Variants in EYA4 observed in about 807,000 individuals in gnomAD.
The protein encoded by EYA4 is protein phosphatase EYA4.
EYA4 carries 31 observed loss-of-function variants against 87.9 expected under a neutral mutation model. That is an observed-to-expected ratio of 0.35 (90% CI 0.27 to 0.48). The LOEUF (loss-of-function observed/expected upper bound fraction) is 0.48, where lower values mean the gene tolerates loss of function less well. Ranked by LOEUF, EYA4 falls within the 20% of genes least tolerant of loss-of-function variation. The probability of loss-of-function intolerance (pLI) is 0.99; values close to 1 mark genes in which losing one functional copy is unlikely to be tolerated. For synonymous variants in EYA4, 263 were observed against 270.6 expected (o/e 0.97, Z 0.28); for missense variants, 678 against 761.4 (o/e 0.89, Z 1.29).
intron 3 of EYA4, among the ~76,000 whole-genome samples, chr6:133,419,688 C>G (rs557814163): frequency 6.2e-4 from 94 of 152,232 alleles, no homozygotes; most frequent in African/African-American, 2.2e-3. Context: ...CTCAGACAAA[C>G]CAAACTATTA....
intron 2 of EYA4, among the ~76,000 whole-genome samples, chr6:133,381,560 A>G (rs1583120430): frequency 6.6e-6 from 1 of 152,164 alleles, no homozygotes; most frequent in East Asian, 1.9e-4. Context: ...TAGGTTGCAT[A>G]GTTAAGTTAT....
intron 2 of EYA4, among the ~76,000 whole-genome samples, chr6:133,283,612 C>T (rs1030069064): frequency 6.6e-6 from 1 of 152,068 alleles, no homozygotes; most frequent in African/African-American, 2.4e-5. Flanking sequence ...CAGGGTTGTG[C>T]CAGCTTGGAA....
At chr6:133,462,513 G>A in intron 8 of EYA4, 36 bp downstream of exon 8, 7 of 1,613,666 alleles carry the variant, frequency 4.3e-6, no homozygotes, top group Non-Finnish European at 5.9e-6. Flanking sequence ...TTTGGTTATA[G>A]GCAGGTAATC....
intron 14 of EYA4, chr6:133,510,321 G>T: frequency 6.3e-6 from 1 of 158,742 alleles, no homozygotes; most frequent in South Asian, 1.7e-4. Context: ...TTTACATGTG[G>T]AAAGATTTCA....
chr6:133,319,859 G>A (rs557140962), intron 2 of EYA4, among the ~76,000 whole-genome samples: 23 of 151,662 alleles, frequency 1.5e-4, no homozygotes, highest in Non-Finnish European at 2.8e-4. Context: ...TGGGACTATC[G>A]GTGTGTGCCA....
At chr6:133,495,107 A>G (rs1404389902) in intron 13 of EYA4, among the ~76,000 whole-genome samples, 2 of 151,854 alleles carry the variant, frequency 1.3e-5, no homozygotes. Context: ...CGTCTCTGCT[A>G]AAAATAAAAA....
chr6:133,490,618 C>T (rs1041251366), intron 13 of EYA4, among the ~76,000 whole-genome samples: 1 of 151,870 alleles, frequency 6.6e-6, no homozygotes, highest in Non-Finnish European at 1.5e-5. Context: ...AGAAGGTCAT[C>T]ATATAATAAT....
chr6:133,255,076 C>T (rs903716158), intron 1 of EYA4, among the ~76,000 whole-genome samples: 4 of 152,122 alleles, frequency 2.6e-5, no homozygotes, highest in Admixed American at 6.6e-5. Context: ...TAACAGTACT[C>T]GCCTCATGGA....
At chr6:133,523,382 G>C (rs1757829300) in intron 18 of EYA4, among the ~76,000 whole-genome samples, 1 of 152,126 alleles carries the variant, frequency 6.6e-6, no homozygotes, top group Non-Finnish European at 1.5e-5. Flanking sequence ...TCTGAGTATA[G>C]ATATTTCATT....
At chr6:133,453,783 A>G (rs895408758) in intron 5 of EYA4, 3 of 152,132 alleles carry the variant, frequency 2.0e-5, no homozygotes, top group Admixed American at 6.6e-5. Context: ...TTACTTTAAA[A>G]TTCAGGCATT....
intron 2 of EYA4, among the ~76,000 whole-genome samples, chr6:133,282,753 C>T (rs1228321974): frequency 6.6e-6 from 1 of 152,110 alleles, no homozygotes. Flanking sequence ...TGGCTACATC[C>T]GAGCTCATTG....
chr6:133,497,569 G>C (rs1203628086), intron 13 of EYA4, among the ~76,000 whole-genome samples: 1 of 152,162 alleles, frequency 6.6e-6, no homozygotes, highest in Admixed American at 6.5e-5. Context: ...GCAATGTACA[G>C]TGTCTGTGCT....
chr6:133,257,718 C>T (rs918918308), intron 1 of EYA4, among the ~76,000 whole-genome samples: 2 of 152,168 alleles, frequency 1.3e-5, no homozygotes, highest in African/African-American at 4.8e-5. Flanking sequence ...CAAAGCTATA[C>T]ACTGAGTCAT....
chr6:133,379,803 C>A (rs374081211), intron 2 of EYA4, among the ~76,000 whole-genome samples: 3 of 152,104 alleles, frequency 2.0e-5, no homozygotes, highest in Non-Finnish European at 2.9e-5. Flanking sequence ...TTCTACTATC[C>A]GTTTTGTTGC....
Position 133,383,555 on chromosome 6 carries a change from CATT to C in EYA4, c.83+1117_83+1119del, listed in dbSNP as rs1183237278. ...AAAAAAAAAAAAAAAATGTAATGGCCATTATGTTTTTCTTTTTGTAGAGTAAGT... is the reference window on the plus strand; with the variant it reads ...AAAAAAAAAAAAAAAATGTAATGGCCATGTTTTTCTTTTTGTAGAGTAAGT... On this transcript the variant is annotated intron_variant, in intron 3 of 19. Coordinates refer to ENST00000355286, the MANE Select transcript of EYA4 (RefSeq NM_004100.5). Among the ~76,000 whole-genome samples the C allele has an allele frequency of 2.4e-5, 3 of 126,502 alleles. No individual in the cohort carries two copies. In the Admixed American group the frequency reaches 2.7e-4, roughly 11 times the overall value. The allele number at this position is 126,502 out of a possible 152,430, so 83.0% of individuals were successfully genotyped here. A position where few individuals can be genotyped will look rare whatever the true frequency, so the allele number is the denominator to read the frequency against.
chr6:133,477,408 GTCT>G (rs1795837672), intron 11 of EYA4, among the ~76,000 whole-genome samples: 2 of 151,962 alleles, frequency 1.3e-5, no homozygotes, highest in African/African-American at 4.8e-5. Flanking sequence ...TCATTTTTAT[GTCT>G]TCTTTTGAGT....
intron 1 of EYA4, among the ~76,000 whole-genome samples, chr6:133,263,190 A>G (rs1775934742): frequency 6.6e-6 from 1 of 152,224 alleles, no homozygotes; most frequent in Non-Finnish European, 1.5e-5. Flanking sequence ...ATAACTTCTC[A>G]ATAATGTAAC....
chr6:133,502,434 TA>T (rs1394702959), intron 13 of EYA4: 4 of 152,178 alleles, frequency 2.6e-5, no homozygotes, highest in Admixed American at 2.0e-4. Context: ...CATCTCTGTA[TA>T]AAACTTGGGT....
chr6:133,295,836 C>T (rs1778904953), intron 2 of EYA4, among the ~76,000 whole-genome samples: 1 of 152,110 alleles, frequency 6.6e-6, no homozygotes, highest in African/African-American at 2.4e-5. Flanking sequence ...TTGCCAGGAA[C>T]TGTTATAGAT....
Sources: gnomAD v4.1 joint callset for allele counts (sites outside exome capture counted in the v4.1 genomes callset) on GRCh38, gnomAD v4.1.1 for gene constraint, MANE v1.5 for transcripts, NCBI Gene and HGNC (gene_info 2026-07-23, HGNC 2026-07-21) for gene names.